Variants in CBFA2T2 observed in about 807,000 individuals in gnomAD.
The protein encoded by CBFA2T2 is CBFA2/RUNX1 partner transcriptional co-repressor 2.
CBFA2T2 carries 11 observed loss-of-function variants against 62.2 expected under a neutral mutation model. The observed-to-expected ratio is 0.18, with a 90% CI of 0.11 to 0.29. The LOEUF (loss-of-function observed/expected upper bound fraction) is 0.29. CBFA2T2 is among the 10% of genes least tolerant of loss of function. The pLI, the probability that CBFA2T2 is intolerant of heterozygous loss-of-function variation, is 1.00. For missense variants in CBFA2T2, 592 were observed against 774.1 expected, an observed-to-expected ratio of 0.76 and a Z score of 2.79; for synonymous variants, 295 against 287.5, an observed-to-expected ratio of 1.03 and a Z score of -0.27.
At chr20:33,563,850 C>A (rs1190091013) in intron 1 of CBFA2T2, among the ~76,000 whole-genome samples, 1 of 152,098 alleles carries the variant, frequency 6.6e-6, no homozygotes, top group Admixed American at 6.6e-5. Context: ...GCCTGTAGTT[C>A]TAGTTTTCAG....
chr20:33,521,621 A>T (rs1257850594), intron 1 of CBFA2T2, among the ~76,000 whole-genome samples: 2 of 152,208 alleles, frequency 1.3e-5, no homozygotes, highest in East Asian at 3.8e-4. Flanking sequence ...CTGCAGCTGT[A>T]CCATCTGTGG....
intron 1 of CBFA2T2, among the ~76,000 whole-genome samples, chr20:33,536,483 C>T (rs1568806133): frequency 6.6e-6 from 1 of 151,366 alleles, no homozygotes; most frequent in Non-Finnish European, 1.5e-5. Flanking sequence ...GGCTGACCCC[C>T]ACCTCCCTCC....
chr20:33,599,377 A>ATATT (rs2015026853), intron 1 of CBFA2T2, among the ~76,000 whole-genome samples: 1 of 152,244 alleles, frequency 6.6e-6, no homozygotes, highest in Non-Finnish European at 1.5e-5. Flanking sequence ...GAGCAAAAAA[A>ATATT]TATTTACTGT....
intron 2 of CBFA2T2, 81 bp from the exon 3 acceptor site, chr20:33,611,013 G>A (rs537614414): frequency 2.5e-5 from 39 of 1,565,216 alleles, no homozygotes; most frequent in South Asian, 7.0e-5. Flanking sequence ...ATGAACAAAC[G>A]AAAATACAAA....
chr20:33,558,397 C>G (rs775783467), intron 1 of CBFA2T2, among the ~76,000 whole-genome samples: 1 of 152,228 alleles, frequency 6.6e-6, no homozygotes, highest in East Asian at 1.9e-4. Flanking sequence ...TCTCCCAAGG[C>G]GCTGGGACTA....
At chr20:33,528,905 C>T (rs1337227622) in intron 1 of CBFA2T2, among the ~76,000 whole-genome samples, 2 of 152,164 alleles carry the variant, frequency 1.3e-5, no homozygotes, top group Non-Finnish European at 2.9e-5. Context: ...TCCATCTGTT[C>T]CAGCCAGTAC....
intron 1 of CBFA2T2, among the ~76,000 whole-genome samples, chr20:33,553,132 A>G (rs1436528315): frequency 6.6e-6 from 1 of 152,090 alleles, no homozygotes; most frequent in Non-Finnish European, 1.5e-5. Context: ...ATTTTTCTTT[A>G]CTGTGTCTCC....
intron 1 of CBFA2T2, among the ~76,000 whole-genome samples, chr20:33,537,723 C>T (rs780431685): frequency 6.6e-6 from 1 of 152,146 alleles, no homozygotes; most frequent in Admixed American, 6.5e-5. Flanking sequence ...GAATATCCAG[C>T]TGTTTTAGTA....
At chr20:33,616,130 TAGA>T (rs2015704291) in intron 3 of CBFA2T2, among the ~76,000 whole-genome samples, 1 of 149,754 alleles carries the variant, frequency 6.7e-6, no homozygotes, top group Non-Finnish European at 1.5e-5. Flanking sequence ...GATAGATAGA[TAGA>T]TGACAGAGCA....
At chr20:33,563,799 C>G (rs1390537806) in intron 1 of CBFA2T2, among the ~76,000 whole-genome samples, 1 of 152,084 alleles carries the variant, frequency 6.6e-6, no homozygotes, top group East Asian at 1.9e-4. Context: ...TCCTAAACCC[C>G]TTGCATTTTT....
Position 33,647,475 on chromosome 20 carries a change from G to A in CBFA2T2, c.*2829G>A, listed in dbSNP as rs1450120352. On this transcript the variant is annotated 3_prime_UTR_variant, in exon 11 of 11. Coordinates refer to ENST00000342704, the MANE Select transcript of CBFA2T2 (RefSeq NM_001032999.3). ...AATTTTGTATTTTTAGTAGAGACGG[G>A]GTTTCTCCTTGTTGGTCAGGCTGGT... The A allele has an allele frequency of 6.6e-6, 1 of 152,124 alleles. No individual in the cohort carries two copies. The highest frequency in any genetic ancestry group is 6.6e-5 in the Admixed American group (1 of 15,260). The allele number at this position is 152,124 out of a possible 1,614,324, so 9.4% of individuals were successfully genotyped here. A position where few individuals can be genotyped will look rare whatever the true frequency, so the allele number is the denominator to read the frequency against.
At chr20:33,562,489 C>G (rs1250672100) in intron 1 of CBFA2T2, 4 of 985,698 alleles carry the variant, frequency 4.1e-6, no homozygotes, top group African/African-American at 3.5e-5. Flanking sequence ...ACAGGCAGCT[C>G]TAGTCAGTGA....
intron 1 of CBFA2T2, among the ~76,000 whole-genome samples, chr20:33,526,721 C>A (rs1469261879): frequency 7.0e-6 from 1 of 142,788 alleles, no homozygotes; most frequent in Non-Finnish European, 1.6e-5. Flanking sequence ...TTCAGCAAGG[C>A]CAAATTTTCA....
chr20:33,595,453 G>A (rs535430750), intron 1 of CBFA2T2, among the ~76,000 whole-genome samples: 17 of 151,990 alleles, frequency 1.1e-4, no homozygotes, highest in Non-Finnish European at 1.9e-4. Context: ...CTTGTGATCC[G>A]CCCACCTCGG....
chr20:33,560,261 C>A (rs938343616), intron 1 of CBFA2T2, among the ~76,000 whole-genome samples: 2 of 152,324 alleles, frequency 1.3e-5, no homozygotes, highest in African/African-American at 4.8e-5. Context: ...AACATGGTAG[C>A]TGGCTTCCTT....
intron 1 of CBFA2T2, among the ~76,000 whole-genome samples, chr20:33,534,751 CTTTTTTTTT>C (rs11167206): frequency 5.4e-5 from 5 of 92,962 alleles, no homozygotes; most frequent in Non-Finnish European, 7.7e-5. Flanking sequence ...ATCTTTTTAG[CTTTTTTTTT>C]TTTTTTTTTT....
intron 1 of CBFA2T2, among the ~76,000 whole-genome samples, chr20:33,567,573 T>G (rs1306590413): frequency 1.3e-5 from 2 of 151,846 alleles, no homozygotes; most frequent in Non-Finnish European, 2.9e-5. Context: ...CTTTGTAAAT[T>G]AAACTTTTTT....
At chr20:33,520,451 T>C (rs1257518712) in intron 1 of CBFA2T2, among the ~76,000 whole-genome samples, 1 of 152,182 alleles carries the variant, frequency 6.6e-6, no homozygotes, top group East Asian at 1.9e-4. Flanking sequence ...TTCTAACATA[T>C]ACTACTTTTT....
chr20:33,558,132 C>A (rs2012965244), intron 1 of CBFA2T2, among the ~76,000 whole-genome samples: 1 of 150,182 alleles, frequency 6.7e-6, no homozygotes. Context: ...TGGGCGCGCT[C>A]TCTCTTTTTT....
Sources: allele counts gnomAD v4.1 joint callset (sites outside exome capture counted in the v4.1 genomes callset), GRCh38; gene constraint gnomAD v4.1.1; transcripts MANE v1.5; gene names NCBI Gene and HGNC (gene_info 2026-07-23, HGNC 2026-07-21).